The following TMEM44 variants were observed in gnomAD, a reference collection of about 807,000 sequenced individuals.
The protein encoded by TMEM44 is transmembrane protein 44.
In TMEM44, 43 loss-of-function variants were observed where a neutral mutation model predicts 47.8. The observed-to-expected ratio is 0.90, with a 90% CI of 0.70 to 1.16. The LOEUF is 1.16. Ranked by LOEUF, TMEM44 falls within the 50% of genes most tolerant of loss-of-function variation. The pLI is 0.00. For synonymous variants in TMEM44, 277 were observed against 238.8 expected, an observed-to-expected ratio of 1.16 and a Z score of -1.48; for missense variants, 568 against 555.2, an observed-to-expected ratio of 1.02 and a Z score of -0.23.
intron 9 of TMEM44, among the ~76,000 whole-genome samples, chr3:194,599,586 C>CTTTTCTT (rs770911632): frequency 7.7e-4 from 99 of 128,962 alleles, no homozygotes; most frequent in African/African-American, 1.6e-3. Context: ...TTTTTCTTTT[C>CTTTTCTT]TTTTTTTTTT....
intron 8 of TMEM44, among the ~76,000 whole-genome samples, chr3:194,607,134 C>CA (rs1247018965): frequency 6.6e-5 from 10 of 151,826 alleles, no homozygotes; most frequent in Non-Finnish European, 1.5e-4. Flanking sequence ...GTGGAAGGGC[C>CA]CTTCTGGTAA....
At chr3:194,619,773 C>T (rs188576653) in intron 5 of TMEM44, among the ~76,000 whole-genome samples, 1 of 152,206 alleles carries the variant, frequency 6.6e-6, no homozygotes, top group East Asian at 1.9e-4. Flanking sequence ...CTCCTGGAAC[C>T]AGAGTCACTG....
intron 9 of TMEM44, 151 bp from the exon 10 acceptor site, chr3:194,588,790 TG>T: frequency 1.4e-6 from 1 of 708,558 alleles, no homozygotes; most frequent in Non-Finnish European, 2.4e-6. Context: ...TACCCAGGCC[TG>T]TGTTTCTGGG....
chr3:194,600,184 C>T (rs1311593596), intron 9 of TMEM44, among the ~76,000 whole-genome samples: 8 of 152,202 alleles, frequency 5.3e-5, no homozygotes, highest in Non-Finnish European at 1.2e-4. Context: ...CTCCGCCTTC[C>T]GGGCTCAAGC....
At chr3:194,618,550 T>C (rs906010430) in intron 5 of TMEM44, among the ~76,000 whole-genome samples, 1 of 123,676 alleles carries the variant, frequency 8.1e-6, no homozygotes, top group Non-Finnish European at 1.7e-5. Context: ...AATTAAATTA[T>C]ATATAGTTAA....
Position 194,620,779 on chromosome 3 carries a change from C to T in TMEM44, c.612+2445G>A, listed in dbSNP as rs558443678. Among the ~76,000 whole-genome samples the T allele has an allele frequency of 2.0e-5, 3 of 151,834 alleles. No individual in the cohort carries two copies. The South Asian group carries it at 6.2e-4, about 32-fold the overall frequency. On this transcript the variant is annotated intron_variant, in intron 5 of 9. Coordinates refer to ENST00000347147, the MANE Select transcript of TMEM44 (RefSeq NM_001011655.3). ...GGTGGCTCAAACCTGTGAGGCCAAA[C>T]ACTCTGGGAGGCCAAGGCGGGCAGA...
intron 8 of TMEM44, among the ~76,000 whole-genome samples, chr3:194,609,411 G>A (rs1715085465): frequency 6.6e-6 from 1 of 152,162 alleles, no homozygotes; most frequent in African/African-American, 2.4e-5. Context: ...GAGGCCGAGG[G>A]GAAAGAAGAG....
chr3:194,588,466 G>T lies in TMEM44; in HGVS notation c.*63C>A. On this transcript the variant is annotated 3_prime_UTR_variant, in exon 10 of 10. Coordinates refer to ENST00000347147, the MANE Select transcript of TMEM44 (RefSeq NM_001011655.3). ...GCGGTGTCAGTGCAGATTGATTCCC[G>T]CTGCGTTACTGAACGAACTCCTGAC... 1.4e-6 allele frequency: 2 copies of T among 1,450,666 alleles called. No individual in the cohort carries two copies. 89.9% of individuals were successfully genotyped at this position (1,450,666 alleles called of 1,614,324 possible).
rs1712035955 is a variant in TMEM44 at position 194,587,791 on chromosome 3, G to T, written c.*738C>A. 1 of 152,270 alleles carries T rather than the reference G, an allele frequency of 6.6e-6. No individual in the cohort carries two copies. Among genetic ancestry groups the T allele is most frequent in the South Asian group, 2.1e-4 (1 of 4,838 alleles). The allele number at this position is 152,270 out of a possible 1,614,324, so 9.4% of individuals were successfully genotyped here. A position where few individuals can be genotyped will look rare whatever the true frequency, so the allele number is the denominator to read the frequency against. On this transcript the variant is annotated 3_prime_UTR_variant, in exon 10 of 10. Coordinates refer to ENST00000347147, the MANE Select transcript of TMEM44 (RefSeq NM_001011655.3). ...ATCAAAATAACTCCCAAATGGGATT[G>T]CTGTGCTTGAACACCTCCCATCATG...
intron 3 of TMEM44, among the ~76,000 whole-genome samples, chr3:194,624,794 A>G (rs1716963534): frequency 1.3e-5 from 2 of 151,220 alleles, no homozygotes; most frequent in South Asian, 4.2e-4. Flanking sequence ...GCGATCTGCA[A>G]CCTCCAGTTC....
chr3:194,618,615 A>C (rs1716206210), intron 5 of TMEM44, among the ~76,000 whole-genome samples: 1 of 149,362 alleles, frequency 6.7e-6, no homozygotes, highest in South Asian at 2.1e-4. Context: ...AATACATATA[A>C]AATTTAGTTT....
chr3:194,612,866 G>GTTAGCCAGGA (rs572987017), intron 7 of TMEM44, among the ~76,000 whole-genome samples: 1,548 of 151,602 alleles, frequency 0.01, 10 homozygotes, highest in Middle Eastern at 0.021. Flanking sequence ...GGGTTTCACT[G>GTTAGCCAGGA]TGGTCTCGAT....
intron 9 of TMEM44, among the ~76,000 whole-genome samples, chr3:194,599,556 C>G (rs1373239766): frequency 6.7e-6 from 1 of 149,858 alleles, no homozygotes; most frequent in Non-Finnish European, 1.5e-5. Flanking sequence ...TTACACTTCG[C>G]AAATTTTCTT....
chr3:194,592,657 C>T (rs372517482), intron 9 of TMEM44, among the ~76,000 whole-genome samples: 1 of 151,914 alleles, frequency 6.6e-6, no homozygotes. Flanking sequence ...CTCTTGTTGC[C>T]CAGGCTGGAG....
chr3:194,617,316 A>G (rs1716022888), intron 5 of TMEM44, 47 bp from the exon 6 acceptor site: 5 of 1,478,222 alleles, frequency 3.4e-6, no homozygotes, highest in South Asian at 1.4e-5. Context: ...AGCAGATCAC[A>G]AGACCCAGGG....
At chr3:194,600,607 C>T (rs60482076) in intron 9 of TMEM44, among the ~76,000 whole-genome samples, 65,123 of 151,744 alleles carry the variant, frequency 0.43, 14,748 homozygotes, top group East Asian at 0.77. Context: ...AAAAATTAGC[C>T]AGGCATGGTG....
intron 9 of TMEM44, among the ~76,000 whole-genome samples, chr3:194,592,600 A>G (rs1163079076): frequency 2.6e-5 from 4 of 151,132 alleles, no homozygotes; most frequent in Non-Finnish European, 4.4e-5. Context: ...ATTCATCCTC[A>G]GTCTTGCCTC....
chr3:194,621,448 GGCCTTCAT>G (rs1472323228), intron 5 of TMEM44, among the ~76,000 whole-genome samples: 1 of 152,120 alleles, frequency 6.6e-6, no homozygotes, highest in African/African-American at 2.4e-5. Flanking sequence ...CTTCTTCAAA[GGCCTTCAT>G]GCAATGTGGT....
chr3:194,627,383 G>A (rs778895708), intron 2 of TMEM44, among the ~76,000 whole-genome samples: 10 of 152,184 alleles, frequency 6.6e-5, no homozygotes, highest in Admixed American at 1.3e-4. Flanking sequence ...AGGTGCCTCC[G>A]CAGGAGGGCA....
Sources: gnomAD v4.1 joint callset for allele counts (sites outside exome capture counted in the v4.1 genomes callset) on GRCh38, gnomAD v4.1.1 for gene constraint, MANE v1.5 for transcripts, NCBI Gene and HGNC (gene_info 2026-07-23, HGNC 2026-07-21) for gene names.